The following UBE2L3 variants were observed in gnomAD, a reference collection of about 807,000 sequenced individuals.
UBE2L3 encodes ubiquitin conjugating enzyme E2 L3, also known as ubiquitin-conjugating enzyme E2 L3.
Under a neutral mutation model 17.8 loss-of-function variants are expected in UBE2L3, and 1 was observed. The observed-to-expected ratio is 0.06, with a 90% CI of 0.02 to 0.27. The LOEUF (loss-of-function observed/expected upper bound fraction) is 0.27. UBE2L3 is among the 10% of genes least tolerant of loss of function. The pLI, the probability that UBE2L3 is intolerant of heterozygous loss-of-function variation, is 1.00. For missense variants in UBE2L3, 40 were observed against 192.6 expected, an observed-to-expected ratio of 0.21 and a Z score of 4.69; for synonymous variants, 44 against 68.5, an observed-to-expected ratio of 0.64 and a Z score of 1.76.
At chr22:21,575,347 A>T (rs553816402) in intron 1 of UBE2L3, among the ~76,000 whole-genome samples, 1 of 146,872 alleles carries the variant, frequency 6.8e-6, no homozygotes, top group Non-Finnish European at 1.5e-5. Flanking sequence ...GCACTTTGAG[A>T]GGTCAAGGCG....
At chr22:21,592,465 T>C (rs1419765231) in intron 1 of UBE2L3, among the ~76,000 whole-genome samples, 2 of 152,214 alleles carry the variant, frequency 1.3e-5, no homozygotes, top group Non-Finnish European at 2.9e-5. Flanking sequence ...TAATGAATCT[T>C]GATTGGAAGG....
At chr22:21,558,533 A>G (rs188836633) in intron 1 of UBE2L3, among the ~76,000 whole-genome samples, 9,898 of 146,514 alleles carry the variant, frequency 0.068, 522 homozygotes, top group African/African-American at 0.24. Context: ...TGGGAGGCTG[A>G]GGGAGGAGAA....
chr22:21,613,150 G>A (rs1194370495), intron 3 of UBE2L3, among the ~76,000 whole-genome samples: 1 of 152,196 alleles, frequency 6.6e-6, no homozygotes. Context: ...TCCCTTACCT[G>A]TAGACTGAGA....
chr22:21,608,875 C>T (rs112550555), intron 2 of UBE2L3, among the ~76,000 whole-genome samples: 3,025 of 150,544 alleles, frequency 0.02, 109 homozygotes, highest in African/African-American at 0.071. Context: ...AGTCACTGCT[C>T]CTGGCCCAGT....
intron 1 of UBE2L3, among the ~76,000 whole-genome samples, chr22:21,589,910 A>T (rs914215214): frequency 5.3e-5 from 8 of 152,086 alleles, no homozygotes; most frequent in Non-Finnish European, 7.4e-5. Flanking sequence ...TGTCATTAGC[A>T]TCCTCAGGGT....
At chr22:21,567,923 G>A in intron 1 of UBE2L3, 152 bp downstream of exon 1, 1 of 1,483,648 alleles carries the variant, frequency 6.7e-7, no homozygotes, top group East Asian at 2.5e-5. Context: ...GGCTCAAGGT[G>A]CTAACGGGGC....
upstream of UBE2L3, chr22:21,567,497 T>C (rs576424442): frequency 1.2e-5 from 9 of 741,222 alleles, no homozygotes; most frequent in African/African-American, 5.4e-5. Flanking sequence ...ATTATGCTCC[T>C]ACTATGTGCC....
At chr22:21,611,246 G>A (rs1014223775) in intron 3 of UBE2L3, among the ~76,000 whole-genome samples, 4 of 152,212 alleles carry the variant, frequency 2.6e-5, no homozygotes, top group Admixed American at 1.3e-4. Flanking sequence ...GGCCTTTCCA[G>A]TGCTCAGCCC....
intron 3 of UBE2L3, among the ~76,000 whole-genome samples, chr22:21,614,924 C>T (rs1419203030): frequency 5.4e-5 from 8 of 148,130 alleles, no homozygotes; most frequent in Admixed American, 4.7e-4. Flanking sequence ...GAGGCTGAGG[C>T]GGGTGGATCA....
At chr22:21,585,760 G>T (rs960265872) in intron 1 of UBE2L3, among the ~76,000 whole-genome samples, 1 of 152,096 alleles carries the variant, frequency 6.6e-6, no homozygotes, top group Non-Finnish European at 1.5e-5. Flanking sequence ...GACATAGAGG[G>T]GGGAAGTCAC....
chr22:21,579,732 C>T (rs1927521717), intron 1 of UBE2L3, among the ~76,000 whole-genome samples: 1 of 152,072 alleles, frequency 6.6e-6, no homozygotes, highest in Non-Finnish European at 1.5e-5. Flanking sequence ...GATCATGCCA[C>T]TGCACTCCAG....
upstream of UBE2L3, among the ~76,000 whole-genome samples, chr22:21,563,237 G>A (rs1329274771): frequency 4.9e-5 from 5 of 102,552 alleles, no homozygotes; most frequent in South Asian, 3.1e-4. Context: ...GCAAGACTCC[G>A]TCTCAAAAAA....
chr22:21,568,172 C>G, intron 1 of UBE2L3: 1 of 1,002,572 alleles, frequency 1.0e-6, no homozygotes, highest in Non-Finnish European at 1.2e-6. Flanking sequence ...GAGCCCGCGC[C>G]GCGGAACCGC....
intron 2 of UBE2L3, among the ~76,000 whole-genome samples, chr22:21,605,101 G>A (rs1434517875): frequency 6.6e-6 from 1 of 152,184 alleles, no homozygotes; most frequent in East Asian, 1.9e-4. Flanking sequence ...GAGTGGCTGG[G>A]ACTACAGGTG....
At chr22:21,607,836 C>A (rs180783796) in intron 2 of UBE2L3, among the ~76,000 whole-genome samples, 1 of 152,232 alleles carries the variant, frequency 6.6e-6, no homozygotes, top group Admixed American at 6.5e-5. Context: ...CAGCTCAGGT[C>A]CCCAGGGTCC....
intron 2 of UBE2L3, among the ~76,000 whole-genome samples, chr22:21,599,460 C>A (rs1427371466): frequency 6.6e-6 from 1 of 152,008 alleles, no homozygotes; most frequent in East Asian, 1.9e-4. Flanking sequence ...ACACAAGGTT[C>A]TATGGACAGA....
upstream of UBE2L3, among the ~76,000 whole-genome samples, chr22:21,565,754 C>CAAAAAAAAAAAAAAAAAAAAAAAAAAAA: frequency 3.3e-5 from 1 of 30,276 alleles, no homozygotes; most frequent in Non-Finnish European, 5.9e-5. Context: ...AACTGTGTCT[C>CAAAAAAAAAAAAAAAAAAAAAAAAAAAA]AAAAAAAAAA....
upstream of UBE2L3, among the ~76,000 whole-genome samples, chr22:21,566,294 G>A (rs1317468965): frequency 6.6e-6 from 1 of 151,284 alleles, no homozygotes; most frequent in Admixed American, 6.6e-5. Context: ...TTTAAAACAT[G>A]CGTCTCAGCC....
intron 1 of UBE2L3, among the ~76,000 whole-genome samples, chr22:21,556,569 A>G (rs1018219932): frequency 3.3e-5 from 5 of 151,932 alleles, no homozygotes; most frequent in Admixed American, 2.0e-4. Context: ...AGCTGTGACT[A>G]CAGGCTAGCA....
Sources: gnomAD v4.1 joint callset for allele counts (sites outside exome capture counted in the v4.1 genomes callset) on GRCh38, gnomAD v4.1.1 for gene constraint, MANE v1.5 for transcripts, NCBI Gene and HGNC (gene_info 2026-07-23, HGNC 2026-07-21) for gene names.